The following CIB4 variants were observed in gnomAD, a reference collection of about 807,000 sequenced individuals.
CIB4 encodes the protein calcium and integrin binding family member 4, also known as calcium and integrin-binding family member 4.
In CIB4, 25 loss-of-function variants were observed where a neutral mutation model predicts 25.8. That is an observed-to-expected ratio of 0.97 (90% CI 0.71 to 1.35). The LOEUF is 1.35. CIB4 is among the 40% of genes most tolerant of loss of function. The pLI is 0.00. For missense variants in CIB4, 235 were observed against 228.2 expected (o/e 1.03, Z -0.19); for synonymous variants, 75 against 81.4 (o/e 0.92, Z 0.42).
chr2:26,623,798 G>A (rs887562425), intron 3 of CIB4, among the ~76,000 whole-genome samples: 8 of 152,226 alleles, frequency 5.3e-5, no homozygotes, highest in Non-Finnish European at 5.9e-5. Context: ...AAGGCCCTGC[G>A]ATCTTCCTTT....
chr2:26,585,471 C>T (rs188254969), intron 4 of CIB4, among the ~76,000 whole-genome samples: 1 of 152,052 alleles, frequency 6.6e-6, no homozygotes, highest in South Asian at 2.1e-4. Context: ...CACCACTCCC[C>T]TAGAGCTCCC....
At chr2:26,613,453 G>A (rs1001808791) in intron 3 of CIB4, among the ~76,000 whole-genome samples, 4 of 152,164 alleles carry the variant, frequency 2.6e-5, no homozygotes, top group African/African-American at 4.8e-5. Flanking sequence ...CTCCCCAGGT[G>A]GTCCTGCCAC....
At position 26,589,075 on chromosome 2, in the gene CIB4, T is replaced by TTCC. The variant is rs1491264761; in HGVS notation, c.329-5178_329-5177insGGA. ...CTTCTTCTTCCTCTTCCTCTTCCTCTTCTTCTTCTTCTTCTTCTTCTTCTT... is the reference window on the plus strand; with the variant it reads ...CTTCTTCTTCCTCTTCCTCTTCCTCTTCCTCTTCTTCTTCTTCTTCTTCTTCTT... On this transcript the variant is annotated intron_variant, in intron 4 of 6. Coordinates refer to ENST00000288861, the MANE Select transcript of CIB4 (RefSeq NM_001029881.3). Among the ~76,000 whole-genome samples the TTCC allele has an allele frequency of 1.6e-3, 87 of 55,526 alleles. 2 individuals carry two copies. Among genetic ancestry groups the TTCC allele is most frequent in the African/African-American group, 3.1e-3 (30 of 9,738 alleles). 36.4% of individuals were successfully genotyped at this position (55,526 alleles called of 152,430 possible).
chr2:26,614,010 CT>C (rs1238966024), intron 3 of CIB4, among the ~76,000 whole-genome samples: 1 of 152,210 alleles, frequency 6.6e-6, no homozygotes, highest in African/African-American at 2.4e-5. Flanking sequence ...TGCAGGGCGT[CT>C]CCTCCCTGTG....
At chr2:26,598,257 G>A (rs1167701412) in intron 3 of CIB4, among the ~76,000 whole-genome samples, 2 of 150,984 alleles carry the variant, frequency 1.3e-5, no homozygotes, top group African/African-American at 2.4e-5. Flanking sequence ...CTGAGATCAC[G>A]ACAGTGCACT....
At chr2:26,640,877 C>T (rs1669621648) in intron 1 of CIB4, among the ~76,000 whole-genome samples, 1 of 152,160 alleles carries the variant, frequency 6.6e-6, no homozygotes, top group Non-Finnish European at 1.5e-5. Context: ...TTAGAGATCT[C>T]ATCTGGGCCA....
At chr2:26,595,083 G>T in intron 4 of CIB4, 93 bp downstream of exon 4, 2 of 1,264,418 alleles carry the variant, frequency 1.6e-6, no homozygotes, top group Non-Finnish European at 2.2e-6. Flanking sequence ...CCCAGTTAAT[G>T]CCATCCATCA....
chr2:26,629,468 T>A lies in CIB4; in HGVS notation c.128A>T (p.Lys43Met), dbSNP rs1669374319. 2 of 1,580,934 alleles carry A rather than the reference T, an allele frequency of 1.3e-6. No homozygotes were observed. Among genetic ancestry groups the A allele is most frequent in the Non-Finnish European group, 8.6e-7 (1 of 1,163,120 alleles). ...GGTGAGCGTTGCCTCCTTGTAGTACTTCCCAGGAGGGCAGAGCTTCAGGAA... is the reference window on the plus strand; with the variant it reads ...GGTGAGCGTTGCCTCCTTGTAGTACATCCCAGGAGGGCAGAGCTTCAGGAA... ...DTFLKLCPPG[K>M]YYKEATLTMD... Residue 43 changes from lysine to methionine, a missense_variant, in exon 3 of 7, where the codon AAG becomes ATG. Physicochemically the swap from Lys to Met is moderately conservative, Grantham distance 95. Coordinates refer to ENST00000288861, the MANE Select transcript of CIB4 (RefSeq NM_001029881.3).
chr2:26,583,169 G>A (rs1572534800), intron 5 of CIB4, among the ~76,000 whole-genome samples: 5 of 152,290 alleles, frequency 3.3e-5, no homozygotes, highest in Admixed American at 6.5e-5. Context: ...TCCCCCACCT[G>A]CCCCACCAAC....
intron 3 of CIB4, among the ~76,000 whole-genome samples, chr2:26,603,568 A>G (rs1403732004): frequency 6.6e-6 from 1 of 152,240 alleles, no homozygotes; most frequent in African/African-American, 2.4e-5. Flanking sequence ...GCATCCAAGA[A>G]CAAAACTCAG....
At chr2:26,589,002 CTT>C (rs1558554596) in intron 4 of CIB4, among the ~76,000 whole-genome samples, 1,954 of 16,242 alleles carry the variant, frequency 0.12, 163 homozygotes, top group Middle Eastern at 0.19. Flanking sequence ...TCTTCTTCTT[CTT>C]CTTCTTCTTC....
chr2:26,623,589 G>C (rs1336340939), intron 3 of CIB4: 1 of 471,112 alleles, frequency 2.1e-6, no homozygotes, highest in African/African-American at 2.0e-5. Flanking sequence ...TGAAACCTTA[G>C]GGGCCATCCT....
At chr2:26,638,117 G>A (rs959752265) in intron 2 of CIB4, among the ~76,000 whole-genome samples, 3 of 152,306 alleles carry the variant, frequency 2.0e-5, no homozygotes, top group Admixed American at 1.3e-4. Context: ...TCAAGAGAAG[G>A]GGCAGGACAG....
chr2:26,637,954 T>C (rs17005545), intron 2 of CIB4, among the ~76,000 whole-genome samples: 8,691 of 152,222 alleles, frequency 0.057, 508 homozygotes, highest in East Asian at 0.34. Flanking sequence ...AGGAGTTGGA[T>C]ACTTTGCCCT....
chr2:26,606,036 G>T (rs559156226), intron 3 of CIB4, among the ~76,000 whole-genome samples: 1 of 152,346 alleles, frequency 6.6e-6, no homozygotes, highest in East Asian at 1.9e-4. Context: ...GCCAAGGGCA[G>T]GGGGGAGGCG....
chr2:26,637,296 G>A (rs59018756), intron 2 of CIB4, among the ~76,000 whole-genome samples: 8,467 of 152,120 alleles, frequency 0.056, 503 homozygotes, highest in East Asian at 0.34. Flanking sequence ...AACCCCTGCA[G>A]GCAAAATTCT....
At chr2:26,634,478 A>G (rs555488227) in intron 2 of CIB4, among the ~76,000 whole-genome samples, 3 of 152,320 alleles carry the variant, frequency 2.0e-5, no homozygotes, top group Admixed American at 2.0e-4. Context: ...ATCGGTGCTG[A>G]CCCATGTGCC....
rs116258935 is a variant in CIB4, at chr2:26,627,746, A to G, written c.186+1664T>C. Among the ~76,000 whole-genome samples the G allele has an allele frequency of 0.012, 1,762 of 152,088 alleles. 29 individuals carry two copies. The highest frequency in any genetic ancestry group is 0.039 in the African/African-American group (1,638 of 41,474). ...CCCCTCCAGAATCCCAGCTTCTCCC[A>G]GCTACCCCCACCCACCTACCCACCC... On this transcript the variant is annotated intron_variant, in intron 3 of 6. Transcript: ENST00000288861. This position sits in a 1 kb window ranked among gnomAD's most constrained non-coding sequence, Gnocchi z 4.0.
intron 6 of CIB4, 50 bp from the exon 7 acceptor site, chr2:26,581,443 C>T (rs1350278165): frequency 6.3e-7 from 1 of 1,587,932 alleles, no homozygotes; most frequent in Admixed American, 1.7e-5. Context: ...TCCAAGGGGC[C>T]CTCTGACTCC....
Sources: allele counts gnomAD v4.1 joint callset (sites outside exome capture counted in the v4.1 genomes callset), GRCh38; gene constraint gnomAD v4.1.1; non-coding constraint Gnocchi (gnomAD v3.1); transcripts MANE v1.5; gene names NCBI Gene and HGNC (gene_info 2026-07-23, HGNC 2026-07-21).